Variants in CFAP221 observed in about 807,000 individuals in gnomAD.
The protein encoded by CFAP221 is cilia- and flagella-associated protein 221.
Under a neutral mutation model 113.1 loss-of-function variants are expected in CFAP221, and 97 were observed. That is an observed-to-expected ratio of 0.86 (90% CI 0.73 to 1.02). The LOEUF (loss-of-function observed/expected upper bound fraction) is 1.02. Among genes scored for constraint, CFAP221 ranks in the 50% least tolerant of loss-of-function variants. The pLI, the probability that CFAP221 is intolerant of heterozygous loss-of-function variation, is 0.00. For synonymous variants in CFAP221, 331 were observed against 354.4 expected (o/e 0.93, Z 0.74); for missense variants, 1,025 against 1,013.4 (o/e 1.01, Z -0.16).
chr2:119,621,242 G>A (rs1270269947), intron 14 of CFAP221, among the ~76,000 whole-genome samples: 1 of 150,156 alleles, frequency 6.7e-6, no homozygotes, highest in African/African-American at 2.5e-5. Context: ...AAAAAAAGCA[G>A]GGGTTGCAAT....
intron 16 of CFAP221, 73 bp from the exon 17 acceptor site, chr2:119,629,802 G>A (rs1686636659): frequency 5.0e-6 from 6 of 1,193,204 alleles, no homozygotes; most frequent in Admixed American, 1.9e-5. Context: ...GTTTCAAAAT[G>A]TAGTGGAAAC....
intron 22 of CFAP221, 111 bp downstream of exon 22, chr2:119,647,161 A>C: frequency 1.3e-6 from 1 of 765,750 alleles, no homozygotes; most frequent in South Asian, 1.7e-5. Flanking sequence ...CTTGCAACTC[A>C]AATGAGAAGA....
At chr2:119,635,410 CAAAA>C (rs1031337909) in intron 19 of CFAP221, among the ~76,000 whole-genome samples, 2 of 152,028 alleles carry the variant, frequency 1.3e-5, no homozygotes, top group East Asian at 1.9e-4. Context: ...AGAAATCAGA[CAAAA>C]AAGATTACAT....
chr2:119,646,967 CTTCAATTCA>C lies in CFAP221; in HGVS notation c.2238_2246del (p.Asn747_Phe749del). On this transcript the variant is annotated inframe_deletion, in exon 22 of 24. Coordinates refer to ENST00000413369, the MANE Select transcript of CFAP221 (RefSeq NM_001271049.2). Reference sequence around the variant, plus strand: ...TGTGGTTTTTCCACAGCTGCGATTCCTTCAATTCATTTATGCTTCCGATAGACGTCCCTG... The same window carrying C: ...TGTGGTTTTTCCACAGCTGCGATTCCTTTATGCTTCCGATAGACGTCCCTG... 1.2e-6 allele frequency: 2 copies of C among 1,613,652 alleles called. No homozygotes were observed. The highest frequency in any genetic ancestry group is 1.7e-6 in the Non-Finnish European group (2 of 1,179,672).
chr2:119,587,768 TGGAC>T (rs1683321810), intron 7 of CFAP221, among the ~76,000 whole-genome samples: 2 of 152,218 alleles, frequency 1.3e-5, no homozygotes, highest in South Asian at 4.1e-4. Context: ...TGGTCTACTG[TGGAC>T]AGATATTTAA....
Position 119,605,165 on chromosome 2 carries a change from C to G in CFAP221, c.1025-16C>G. ...ATCTGATTACTGGTATAAACATTGT[C>G]TGCTCCTGCCTTCAGTTTTGGACCA... On this transcript the variant is annotated splice_polypyrimidine_tract_variant and intron_variant, in intron 10 of 23. Coordinates refer to ENST00000413369, the MANE Select transcript of CFAP221 (RefSeq NM_001271049.2). 6.3e-7 allele frequency: 1 copy of G among 1,598,574 alleles called. No homozygotes were observed. The highest frequency in any genetic ancestry group is 8.6e-7 in the Non-Finnish European group (1 of 1,166,128).
At chr2:119,659,945 C>G (rs1395268291), downstream of CFAP221, among the ~76,000 whole-genome samples, 3 of 152,248 alleles carry the variant, frequency 2.0e-5, no homozygotes, top group African/African-American at 7.2e-5. Context: ...ATGCTGTGCA[C>G]ATCACTTCGT....
intron 8 of CFAP221, among the ~76,000 whole-genome samples, chr2:119,604,464 G>A (rs995256654): frequency 2.6e-5 from 4 of 151,886 alleles, no homozygotes; most frequent in South Asian, 2.1e-4. Context: ...AAAAAAAACC[G>A]TTGGTGGGCA....
chr2:119,564,158 C>A (rs1048710174), intron 6 of CFAP221, among the ~76,000 whole-genome samples: 6 of 152,162 alleles, frequency 3.9e-5, no homozygotes, highest in Non-Finnish European at 7.3e-5. Context: ...AGCCACAGAA[C>A]CCTTTTAGTG....
intron 7 of CFAP221, among the ~76,000 whole-genome samples, chr2:119,595,338 TCA>T (rs374608235): frequency 7.9e-5 from 12 of 152,238 alleles, no homozygotes; most frequent in African/African-American, 2.9e-4. Context: ...CTCCCATGTC[TCA>T]GTTTACAGGA....
chr2:119,561,763 A>G (rs1681258271), intron 5 of CFAP221, among the ~76,000 whole-genome samples: 1 of 151,742 alleles, frequency 6.6e-6, no homozygotes, highest in African/African-American at 2.4e-5. Flanking sequence ...TCATATCTCT[A>G]TGAGGCGTCA....
chr2:119,614,062 G>A (rs906307244), intron 13 of CFAP221, among the ~76,000 whole-genome samples: 2 of 152,162 alleles, frequency 1.3e-5, no homozygotes, highest in African/African-American at 4.8e-5. Context: ...CAGATCTCTA[G>A]GGCAGGGGCA....
At chr2:119,653,633 A>G (rs1349810331) in intron 23 of CFAP221, among the ~76,000 whole-genome samples, 1 of 152,228 alleles carries the variant, frequency 6.6e-6, no homozygotes, top group East Asian at 1.9e-4. Context: ...TCCTTGTGCT[A>G]TAATTCCTTT....
At chr2:119,555,666 T>C (rs993562404) in intron 3 of CFAP221, among the ~76,000 whole-genome samples, 5 of 152,152 alleles carry the variant, frequency 3.3e-5, no homozygotes, top group Non-Finnish European at 5.9e-5. Context: ...TGAGATGTGC[T>C]GAGCCATGAG....
intron 21 of CFAP221, among the ~76,000 whole-genome samples, chr2:119,641,613 C>T (rs1017361117): frequency 1.3e-5 from 2 of 152,168 alleles, no homozygotes; most frequent in Admixed American, 6.5e-5. Context: ...GGCATCCTCA[C>T]ATTTGTGTGT....
intron 6 of CFAP221, among the ~76,000 whole-genome samples, chr2:119,579,276 C>T (rs903548512): frequency 4.6e-5 from 7 of 151,854 alleles, no homozygotes; most frequent in African/African-American, 1.7e-4. Context: ...ACTCACTTCT[C>T]AGAAATAACA....
At chr2:119,605,688 G>A (rs748491115) in intron 11 of CFAP221, among the ~76,000 whole-genome samples, 5 of 152,130 alleles carry the variant, frequency 3.3e-5, no homozygotes, top group Non-Finnish European at 7.4e-5. Context: ...GTGAGGCTCT[G>A]GGGGGCTCCT....
intron 6 of CFAP221, among the ~76,000 whole-genome samples, chr2:119,567,314 A>AT (rs985929156): frequency 2.6e-5 from 4 of 151,922 alleles, no homozygotes; most frequent in African/African-American, 9.7e-5. Flanking sequence ...ACCACTGTTT[A>AT]TTTTTTTTAC....
intron 3 of CFAP221, among the ~76,000 whole-genome samples, chr2:119,553,260 A>G (rs1165227840): frequency 6.6e-6 from 1 of 152,060 alleles, no homozygotes; most frequent in Non-Finnish European, 1.5e-5. Context: ...GGGAGAAGGG[A>G]TTTGGGGCCC....
Sources: gnomAD v4.1 joint callset for allele counts (sites outside exome capture counted in the v4.1 genomes callset) on GRCh38, gnomAD v4.1.1 for gene constraint, MANE v1.5 for transcripts, NCBI Gene and HGNC (gene_info 2026-07-23, HGNC 2026-07-21) for gene names.